TRAPPC8: variants seen among roughly 807,000 people sequenced by gnomAD.
TRAPPC8 encodes the protein trafficking protein particle complex subunit 8.
TRAPPC8 carries 54 observed loss-of-function variants against 174.3 expected under a neutral mutation model. That is an observed-to-expected ratio of 0.31 (90% CI 0.25 to 0.39). The LOEUF is 0.39. TRAPPC8 is among the 10% of genes least tolerant of loss of function. The pLI, the probability that TRAPPC8 is intolerant of heterozygous loss-of-function variation, is 1.00. For synonymous variants in TRAPPC8, 630 were observed against 579.9 expected (o/e 1.09, Z -1.24); for missense variants, 1,531 against 1,699.1 (o/e 0.90, Z 1.74).
intron 11 of TRAPPC8, chr18:31,895,763 TATA>T (rs1246208242): frequency 6.6e-6 from 1 of 152,242 alleles, no homozygotes; most frequent in Non-Finnish European, 1.5e-5. Context: ...GATTATTTAT[TATA>T]ATAGAGAATA....
chr18:31,856,750 A>G (rs1015425969), intron 20 of TRAPPC8, among the ~76,000 whole-genome samples: 1 of 151,778 alleles, frequency 6.6e-6, no homozygotes, highest in African/African-American at 2.4e-5. Context: ...GCCGCTCCCT[A>G]GAATAATACC....
intron 12 of TRAPPC8, among the ~76,000 whole-genome samples, chr18:31,886,793 C>G (rs932142011): frequency 1.3e-5 from 2 of 152,084 alleles, no homozygotes; most frequent in Non-Finnish European, 2.9e-5. Flanking sequence ...CCAGCTTGGC[C>G]AACATGGTGA....
chr18:31,917,415 G>A lies in TRAPPC8; in HGVS notation c.442+163C>T, dbSNP rs563419682. ...AATTGTTATAGCAGTCCTGTATCTA[G>A]GAGGCCATTTAACAAAATAACAAGA... is the stretch of plus-strand genomic sequence containing the variant. On this transcript the variant is annotated intron_variant, in intron 3 of 28. Coordinates refer to ENST00000283351, the MANE Select transcript of TRAPPC8 (RefSeq NM_014939.5). 2.2e-3 allele frequency among the ~76,000 whole-genome samples: 327 copies of A among 151,014 alleles called. 1 individual carries two copies. Among genetic ancestry groups the A allele is most frequent in the African/African-American group, 7.2e-3 (294 of 41,118 alleles).
At chr18:31,939,082 CAAAAAAAAAAAA>C (rs397963630) in intron 1 of TRAPPC8, among the ~76,000 whole-genome samples, 1 of 68,072 alleles carries the variant, frequency 1.5e-5, no homozygotes, top group South Asian at 8.3e-4. Context: ...GACTCCGTCT[CAAAAAAAAAAAA>C]AAAAAAAAAA....
At chr18:31,866,708 T>G (rs1240459732) in intron 18 of TRAPPC8, 141 bp downstream of exon 18, 4 of 855,748 alleles carry the variant, frequency 4.7e-6, no homozygotes, top group Non-Finnish European at 6.5e-6. Context: ...TAATCTAAAT[T>G]TGTCATTCTT....
chr18:31,901,051 AT>A, intron 9 of TRAPPC8, 26 bp from the exon 10 acceptor site: 1 of 1,552,422 alleles, frequency 6.4e-7, no homozygotes, highest in East Asian at 2.3e-5. Flanking sequence ...TAGTTTACAT[AT>A]TTCAAAAGAA....
At chr18:31,896,753 A>C (rs1819205532) in intron 11 of TRAPPC8, among the ~76,000 whole-genome samples, 1 of 152,120 alleles carries the variant, frequency 6.6e-6, no homozygotes, top group South Asian at 2.1e-4. Flanking sequence ...CCTCCTGAGT[A>C]GCTGAGATTA....
intron 21 of TRAPPC8, 81 bp from the exon 22 acceptor site, chr18:31,854,026 C>T (rs899108572): frequency 2.2e-5 from 23 of 1,056,640 alleles, no homozygotes; most frequent in Non-Finnish European, 3.1e-5. Context: ...AATTCAGACA[C>T]TGCTACCAAA....
rs540338716 is a variant in TRAPPC8, at chr18:31,935,723, G to A, written c.158-4200C>T. ...TTCAAGACCAGCCTGGACAACAGAG[G>A]GAGAGAGACCCCATTTCTTTTTTTT... On this transcript the variant is annotated intron_variant, in intron 1 of 28. Transcript: ENST00000283351. Among the ~76,000 whole-genome samples the A allele has an allele frequency of 3.2e-4, 48 of 151,060 alleles. No homozygotes were observed. In the Middle Eastern group the frequency reaches 0.01, roughly 32 times the overall value.
intron 11 of TRAPPC8, among the ~76,000 whole-genome samples, chr18:31,892,949 T>C (rs2036018546): frequency 6.7e-6 from 1 of 150,164 alleles, no homozygotes; most frequent in African/African-American, 2.5e-5. Flanking sequence ...CCTGGGAGGC[T>C]GCGGCTGCAG....
intron 1 of TRAPPC8, among the ~76,000 whole-genome samples, chr18:31,933,785 T>C (rs2037958277): frequency 6.6e-6 from 1 of 150,428 alleles, no homozygotes; most frequent in African/African-American, 2.4e-5. Flanking sequence ...TGTGTTCTAT[T>C]GATTTCTAAC....
chr18:31,857,413 T>C (rs2034079506), intron 20 of TRAPPC8, 127 bp downstream of exon 20: 2 of 859,378 alleles, frequency 2.3e-6, no homozygotes, highest in African/African-American at 1.7e-5. Flanking sequence ...ATTTCAGATA[T>C]AAATATCCTG....
At chr18:31,877,057 A>G (rs977104273) in intron 12 of TRAPPC8, among the ~76,000 whole-genome samples, 9 of 152,230 alleles carry the variant, frequency 5.9e-5, no homozygotes, top group Non-Finnish European at 1.3e-4. Context: ...ATGGAGATGT[A>G]ACCGTTAATT....
intron 9 of TRAPPC8, among the ~76,000 whole-genome samples, chr18:31,901,651 C>T (rs565427944): frequency 6.6e-6 from 1 of 152,304 alleles, no homozygotes; most frequent in East Asian, 1.9e-4. Context: ...CAGACAATTA[C>T]GAAAGGCTCA....
chr18:31,935,666 G>GCTA (rs2038066355), intron 1 of TRAPPC8, among the ~76,000 whole-genome samples: 2 of 151,158 alleles, frequency 1.3e-5, no homozygotes, highest in African/African-American at 4.9e-5. Context: ...ATTTTAGGAG[G>GCTA]CTAAAGCAGG....
intron 25 of TRAPPC8, among the ~76,000 whole-genome samples, chr18:31,847,202 G>A (rs2145020887): frequency 6.6e-6 from 1 of 152,210 alleles, no homozygotes; most frequent in East Asian, 1.9e-4. Flanking sequence ...AATGTCCTAG[G>A]GTTTATCACA....
intron 1 of TRAPPC8, among the ~76,000 whole-genome samples, chr18:31,935,819 T>TCC (rs2038073023): frequency 6.6e-6 from 1 of 151,004 alleles, no homozygotes; most frequent in Non-Finnish European, 1.5e-5. Flanking sequence ...CACTGCAACC[T>TCC]CCGCCTCCCA....
chr18:31,832,856 A>G (rs893404517), intron 27 of TRAPPC8, among the ~76,000 whole-genome samples: 1 of 152,222 alleles, frequency 6.6e-6, no homozygotes, highest in African/African-American at 2.4e-5. Flanking sequence ...ATATACTATT[A>G]TCTACCTTTT....
intron 20 of TRAPPC8, among the ~76,000 whole-genome samples, chr18:31,856,258 A>T (rs2034004425): frequency 6.6e-6 from 1 of 152,040 alleles, no homozygotes; most frequent in Admixed American, 6.6e-5. Flanking sequence ...AGCATGTACC[A>T]CCACACCCTA....
Sources: gnomAD v4.1 joint callset for allele counts (sites outside exome capture counted in the v4.1 genomes callset) on GRCh38, gnomAD v4.1.1 for gene constraint, MANE v1.5 for transcripts, NCBI Gene and HGNC (gene_info 2026-07-23, HGNC 2026-07-21) for gene names.